The following ABHD17A variants were observed in gnomAD, a reference collection of about 807,000 sequenced individuals.
The protein encoded by ABHD17A is alpha/beta hydrolase domain-containing protein 17A.
ABHD17A carries 10 observed loss-of-function variants against 26.8 expected under a neutral mutation model. The observed-to-expected ratio is 0.37, with a 90% CI of 0.23 to 0.63. The LOEUF (loss-of-function observed/expected upper bound fraction) is 0.63. ABHD17A is among the 30% of genes least tolerant of loss of function. ABHD17A has a pLI of 0.61. For missense variants in ABHD17A, 292 were observed against 457.3 expected (o/e 0.64, Z 3.30); for synonymous variants, 167 against 210.9 (o/e 0.79, Z 1.80).
Position 1,880,135 on chromosome 19 carries a change from G to A in ABHD17A, c.333-20C>T, listed in dbSNP as rs770246378. ...GTGTACCTGGGACAGGCCGAGAAGG[G>A]CCGTTCACATCCTCGCTCCCAGCGC... On this transcript the variant is annotated intron_variant, in intron 2 of 4. Transcript: ENST00000292577. This position sits in a 1 kb window ranked among gnomAD's most constrained non-coding sequence, Gnocchi z 4.1. 1 of 1,612,086 alleles carries A rather than the reference G, an allele frequency of 6.2e-7. No individual in the cohort carries two copies. Among genetic ancestry groups the A allele is most frequent in the African/African-American group, 1.3e-5 (1 of 75,036 alleles).
At position 1,880,058 on chromosome 19, in the gene ABHD17A, G is replaced by A; in HGVS notation, c.390C>T (p.Phe130=). Residue 130 remains phenylalanine, a synonymous_variant, in exon 3 of 5, where the codon TTC becomes TTT. Transcript: ENST00000292577. The surrounding 1 kb of genome is among the most constrained non-coding windows in gnomAD (Gnocchi z 4.1). ...GGAGGCGGGAGCCCAGGCCAATGTA[G>A]AAGCTGCTCATCTGGCCCAGGTCCA... The part of the protein sequence containing the change: ...NAVDLGQMSS[F]YIGLGSRLHC... 6.2e-7 allele frequency: 1 copy of A among 1,613,220 alleles called. No homozygotes were observed. The highest frequency in any genetic ancestry group is 8.5e-7 in the Non-Finnish European group (1 of 1,180,004).
intron 1 of ABHD17A, chr19:1,882,819 G>A (rs1298970161): frequency 6.6e-6 from 1 of 152,080 alleles, no homozygotes; most frequent in Non-Finnish European, 1.5e-5. Flanking sequence ...GGAGCGAGGA[G>A]AGAGACACGC....
Position 1,881,496 on chromosome 19 carries a change from G to A in ABHD17A, c.71C>T (p.Ala24Val). 1 of 1,604,536 alleles carries A rather than the reference G, an allele frequency of 6.2e-7. No homozygotes were observed. Among genetic ancestry groups the A allele is most frequent in the Non-Finnish European group, 8.5e-7 (1 of 1,178,910 alleles). ...CCPPCPGRIA[A>V]KLAFLPPEAT... Reference sequence around the variant, plus strand: ...CTCCGGCGGCAGGAAGGCGAGCTTGGCAGCGATGCGGCCGGGGCAGGGCGG... The same window carrying A: ...CTCCGGCGGCAGGAAGGCGAGCTTGACAGCGATGCGGCCGGGGCAGGGCGG... Residue 24 changes from alanine to valine, a missense_variant, in exon 2 of 5, where the codon GCC becomes GTC. By Grantham distance (64) the Ala-to-Val change is moderately conservative. Transcript: ENST00000292577.
In ABHD17A at chr19:1,879,203, G is replaced by C. The variant is rs1280409363; in HGVS notation, c.527+718C>G. The C allele has an allele frequency of 2.6e-5, 4 of 152,998 alleles. No homozygotes were observed. The highest frequency in any genetic ancestry group is 9.7e-5 in the African/African-American group (4 of 41,416). The allele number at this position is 152,998 out of a possible 1,614,324, so 9.5% of individuals were successfully genotyped here. ...AGAGCTGTGCCTGGTCCCTGTGGGA[G>C]CAGGTCAGACCAGTGGGCTGGGCAG... is the stretch of plus-strand genomic sequence containing the variant. On this transcript the variant is annotated intron_variant, in intron 3 of 4. Transcript: ENST00000292577. The surrounding 1 kb of genome is among the most constrained non-coding windows in gnomAD (Gnocchi z 7.6).
At chr19:1,878,827 TCAAA>T (rs1318666351) in intron 3 of ABHD17A, 1 of 152,450 alleles carries the variant, frequency 6.6e-6, no homozygotes. Context: ...ATGTCACCAC[TCAAA>T]CGAACAGGAC....
At position 1,880,905 on chromosome 19, in the gene ABHD17A, A is replaced by C. The variant is rs116454773; in HGVS notation, c.332+330T>G. ...CTGGTCAGAACCCCACCTGGCGAGA[A>C]GGTGGATGTACCCGCAGGCCAGGGC... is the stretch of plus-strand genomic sequence containing the variant. On this transcript the variant is annotated intron_variant, in intron 2 of 4. Transcript: ENST00000292577. The surrounding 1 kb of genome is among the most constrained non-coding windows in gnomAD (Gnocchi z 4.1). The C allele has an allele frequency of 1.1e-3, 1,755 of 1,613,072 alleles. 21 individuals carry two copies. The African/African-American group carries it at 0.021, about 19-fold the overall frequency.
At chr19:1,885,109 C>T (rs952973154) in intron 1 of ABHD17A, among the ~76,000 whole-genome samples, 2 of 152,204 alleles carry the variant, frequency 1.3e-5, no homozygotes, top group Non-Finnish European at 2.9e-5. Flanking sequence ...AGGCAAGGGC[C>T]GCGTCCGCAG....
chr19:1,877,476 G>GC (rs746871071), intron 4 of ABHD17A, 32 bp downstream of exon 4: 2 of 1,579,130 alleles, frequency 1.3e-6, no homozygotes, highest in African/African-American at 2.7e-5. Context: ...CCCGGGCCCC[G>GC]CCCCGCCCCC....
At position 1,880,791 on chromosome 19, in the gene ABHD17A, C is replaced by T. The variant is rs2012500402; in HGVS notation, c.332+444G>A. ...GTGGTGCCAGGAGCAGGTGGCCAGG[C>T]TGGCCCTGCCATGGACTGCTTCCTC... On this transcript the variant is annotated intron_variant, in intron 2 of 4. Transcript: ENST00000292577. This position sits in a 1 kb window ranked among gnomAD's most constrained non-coding sequence, Gnocchi z 4.1. The T allele has an allele frequency of 3.3e-6, 5 of 1,507,950 alleles. No homozygotes were observed. The South Asian group carries it at 3.8e-5, about 12-fold the overall frequency. The allele number at this position is 1,507,950 out of a possible 1,614,324, so 93.4% of individuals were successfully genotyped here.
chr19:1,877,227 G>A lies in ABHD17A; in HGVS notation c.906C>T (p.Ser302=). 2.6e-6 allele frequency: 4 copies of A among 1,523,300 alleles called. No homozygotes were observed. The highest frequency in any genetic ancestry group is 3.5e-6 in the Non-Finnish European group (4 of 1,130,192). The allele number at this position is 1,523,300 out of a possible 1,614,324, so 94.4% of individuals were successfully genotyped here. Residue 302 remains serine, a synonymous_variant, in exon 5 of 5, where the codon TCC becomes TCT. Coordinates refer to ENST00000292577, the MANE Select transcript of ABHD17A (RefSeq NM_001130111.2). ...AGGCGCGCTGGCTGGGCAGCTCCTG[G>A]GAGATGAAGCGACGCAGGCGCTCCA... is the stretch of plus-strand genomic sequence containing the variant. ...QYLERLRRFI[S]QELPSQRA
In ABHD17A at chr19:1,879,364, G is replaced by A. The variant is rs1276751712; in HGVS notation, c.527+557C>T. The A allele has an allele frequency of 1.2e-5, 2 of 167,908 alleles. No homozygotes were observed. The highest frequency in any genetic ancestry group is 4.8e-5 in the African/African-American group (2 of 41,516). 10.4% of individuals were successfully genotyped at this position (167,908 alleles called of 1,614,324 possible). On this transcript the variant is annotated intron_variant, in intron 3 of 4. Coordinates refer to ENST00000292577, the MANE Select transcript of ABHD17A (RefSeq NM_001130111.2). This position sits in a 1 kb window ranked among gnomAD's most constrained non-coding sequence, Gnocchi z 7.6. The stretch of plus-strand genomic sequence containing the variant: ...GAAGGGCCCAGGCAAGCGCAGGGCT[G>A]GGGACGTGGATGACTAGGAGGGCTG...
Position 1,877,220 on chromosome 19 carries a change from G to A in ABHD17A, c.913C>T (p.Leu305=). Residue 305 remains leucine, a synonymous_variant, in exon 5 of 5, where the codon CTG becomes TTG. Transcript: ENST00000292577. ...ERLRRFISQE[L]PSQRA ...CGCCGCTAGGCGCGCTGGCTGGGCAGCTCCTGGGAGATGAAGCGACGCAGG... is the reference window on the plus strand; with the variant it reads ...CGCCGCTAGGCGCGCTGGCTGGGCAACTCCTGGGAGATGAAGCGACGCAGG... 6.6e-7 allele frequency: 1 copy of A among 1,505,500 alleles called. No individual in the cohort carries two copies. The highest frequency in any genetic ancestry group is 1.2e-5 in the South Asian group (1 of 85,508). The allele number at this position is 1,505,500 out of a possible 1,614,324, so 93.3% of individuals were successfully genotyped here.
In ABHD17A at chr19:1,879,944, G is replaced by A. The variant is rs184246716; in HGVS notation, c.504C>T (p.Ala168=). Residue 168 remains alanine, a synonymous_variant, in exon 3 of 5, where the codon GCC becomes GCT. Transcript: ENST00000292577. The surrounding 1 kb of genome is among the most constrained non-coding windows in gnomAD (Gnocchi z 7.6). The part of the protein sequence containing the change: ...SERNLYADID[A]AWQALRTRYG... ...ACCTGGTGCGCAGGGCCTGCCAGGC[G>A]GCGTCGATGTCGGCATAGAGGTTCC... 65 of 1,611,984 alleles carry A rather than the reference G, an allele frequency of 4.0e-5. 1 individual carries two copies. The South Asian group carries it at 4.8e-4, about 12-fold the overall frequency.
intron 1 of ABHD17A, among the ~76,000 whole-genome samples, chr19:1,884,280 C>T (rs962689604): frequency 6.6e-6 from 1 of 152,094 alleles, no homozygotes; most frequent in African/African-American, 2.4e-5. Flanking sequence ...GAAAAGAATC[C>T]CCAAGGTCCG....
intron 1 of ABHD17A, among the ~76,000 whole-genome samples, chr19:1,884,395 C>A (rs928865794): frequency 2.0e-5 from 3 of 152,116 alleles, no homozygotes; most frequent in Non-Finnish European, 4.4e-5. Context: ...GGAGTGCAAA[C>A]CCAGACGCCT....
Position 1,879,951 on chromosome 19 carries a change from A to T in ABHD17A, c.497T>A (p.Ile166Asn). ...RPSERNLYAD[I>N]DAAWQALRTR... is the part of the protein sequence containing the mutation. Reference sequence around the variant, plus strand: ...GCGCAGGGCCTGCCAGGCGGCGTCGATGTCGGCATAGAGGTTCCTCTCGGA... The same window carrying T: ...GCGCAGGGCCTGCCAGGCGGCGTCGTTGTCGGCATAGAGGTTCCTCTCGGA... The change falls in exon 3 of 5, where the codon ATC becomes AAC. Residue 166 changes from isoleucine to asparagine, a missense_variant. Ile to Asn is a moderately radical substitution (Grantham distance 149, BLOSUM62 -3). This residue lies in a region of ABHD17A where 25 missense variants were observed against 40.3 expected (regional missense o/e 0.62). Transcript: ENST00000292577. The surrounding 1 kb of genome is among the most constrained non-coding windows in gnomAD (Gnocchi z 7.6). 1 of 1,612,756 alleles carries T rather than the reference A, an allele frequency of 6.2e-7. No homozygotes were observed. Among genetic ancestry groups the T allele is most frequent in the Non-Finnish European group, 8.5e-7 (1 of 1,179,860 alleles).
Position 1,880,280 on chromosome 19 carries a change from C to T in ABHD17A, c.333-165G>A, listed in dbSNP as rs115115090. On this transcript the variant is annotated intron_variant, in intron 2 of 4. Transcript: ENST00000292577. The surrounding 1 kb of genome is among the most constrained non-coding windows in gnomAD (Gnocchi z 4.1). ...GCCAGTGAATGGAGAGGGGAGGCTA[C>T]GACAGCACAGCTCCATCTCCGAGGG... Among the ~76,000 whole-genome samples the T allele has an allele frequency of 3.2e-3, 482 of 152,328 alleles. 2 individuals carry two copies. The highest frequency in any genetic ancestry group is 0.011 in the African/African-American group (458 of 41,580).
chr19:1,879,974 G>C lies in ABHD17A; in HGVS notation c.474C>G (p.Ser158=). 6 of 1,613,136 alleles carry C rather than the reference G, an allele frequency of 3.7e-6. No homozygotes were observed. Among genetic ancestry groups the C allele is most frequent in the Non-Finnish European group, 5.1e-6 (6 of 1,179,984 alleles). The part of the protein sequence containing the change: ...SGYGASSGRP[S]ERNLYADIDA... Reference sequence around the variant, plus strand: ...CGATGTCGGCATAGAGGTTCCTCTCGGAAGGCCTGCCCGAGCTGGCACCGT... The same window carrying C: ...CGATGTCGGCATAGAGGTTCCTCTCCGAAGGCCTGCCCGAGCTGGCACCGT... Residue 158 remains serine (S), a synonymous_variant, in exon 3 of 5, where the codon TCC becomes TCG. Coordinates refer to ENST00000292577, the MANE Select transcript of ABHD17A (RefSeq NM_001130111.2). This position sits in a 1 kb window ranked among gnomAD's most constrained non-coding sequence, Gnocchi z 7.6.
intron 1 of ABHD17A, chr19:1,883,053 C>T (rs181693031): frequency 3.3e-5 from 5 of 152,344 alleles, no homozygotes; most frequent in Non-Finnish European, 5.9e-5. Context: ...TGATGTGAGA[C>T]CCACGTTCCT....
Sources: allele counts gnomAD v4.1 joint callset (sites outside exome capture counted in the v4.1 genomes callset), GRCh38; gene constraint gnomAD v4.1.1; regional missense constraint gnomAD v4.1.1; non-coding constraint Gnocchi (gnomAD v3.1); transcripts MANE v1.5; gene names NCBI Gene and HGNC (gene_info 2026-07-23, HGNC 2026-07-21).